BCAS3: variants seen among roughly 807,000 people sequenced by gnomAD.
The protein encoded by BCAS3 is BCAS3 microtubule associated cell migration factor.
BCAS3 carries 53 observed loss-of-function variants against 116.1 expected under a neutral mutation model. The ratio of observed to expected loss-of-function variants is 0.46; its 90% CI spans 0.37 to 0.57. The LOEUF (loss-of-function observed/expected upper bound fraction) is 0.57. Ranked by LOEUF, BCAS3 falls within the 20% of genes least tolerant of loss-of-function variation. The probability of loss-of-function intolerance (pLI) is 0.00; values close to 1 mark genes in which losing one functional copy is unlikely to be tolerated. For missense variants in BCAS3, 917 were observed against 1,165.4 expected, an observed-to-expected ratio of 0.79 and a Z score of 3.10; for synonymous variants, 391 against 408.2, an observed-to-expected ratio of 0.96 and a Z score of 0.51.
In BCAS3 at chr17:61,338,807, T is replaced by C. The variant is rs149217925; in HGVS notation, c.2426-29520T>C. Among the ~76,000 whole-genome samples, 974 of 145,280 alleles carry C rather than the reference T, an allele frequency of 6.7e-3. 5 individuals carry two copies. Among genetic ancestry groups the C allele is most frequent in the Middle Eastern group, 0.019 (5 of 266 alleles). ...AAGAATACATTTTCCCCTGTGACACTGAAAAGTTATTTTTTTTCAGTGTCC... is the reference window on the plus strand; with the variant it reads ...AAGAATACATTTTCCCCTGTGACACCGAAAAGTTATTTTTTTTCAGTGTCC... On this transcript the variant is annotated intron_variant, in intron 22 of 23. Coordinates refer to ENST00000407086, the MANE Select transcript of BCAS3 (RefSeq NM_017679.5).
intron 6 of BCAS3, among the ~76,000 whole-genome samples, chr17:60,765,861 C>T (rs1265157713): frequency 8.5e-5 from 13 of 152,182 alleles, no homozygotes; most frequent in Admixed American, 8.5e-4. Flanking sequence ...TCACATAGTC[C>T]TATATTTCTT....
At chr17:61,277,098 T>TA in intron 22 of BCAS3, among the ~76,000 whole-genome samples, 1 of 151,538 alleles carries the variant, frequency 6.6e-6, no homozygotes, top group East Asian at 1.9e-4. Context: ...CCTTGTCTCT[T>TA]ATAGGAAAAA....
intron 19 of BCAS3, chr17:61,069,867 C>G: frequency 1.2e-6 from 1 of 869,390 alleles, no homozygotes; most frequent in Non-Finnish European, 1.9e-6. Flanking sequence ...ACCCTTTTCA[C>G]AAGATGGCGC....
At chr17:61,071,389 C>T (rs993254304) in intron 19 of BCAS3, among the ~76,000 whole-genome samples, 2 of 152,152 alleles carry the variant, frequency 1.3e-5, no homozygotes, top group Non-Finnish European at 2.9e-5. Flanking sequence ...TACTACTGAT[C>T]TATTTTAGAG....
intron 22 of BCAS3, among the ~76,000 whole-genome samples, chr17:61,207,343 T>C (rs1462506876): frequency 6.6e-6 from 1 of 152,228 alleles, no homozygotes. Flanking sequence ...GATGAAGATA[T>C]ATATTAATTC....
chr17:60,789,165 A>C (rs548400523), intron 6 of BCAS3, among the ~76,000 whole-genome samples: 57 of 152,324 alleles, frequency 3.7e-4, no homozygotes, highest in African/African-American at 1.3e-3. Context: ...CACATTGAAG[A>C]CATAATCCTT....
intron 4 of BCAS3, among the ~76,000 whole-genome samples, chr17:60,699,031 C>T (rs560022446): frequency 1.3e-5 from 2 of 152,252 alleles, no homozygotes; most frequent in East Asian, 3.9e-4. Context: ...ACACTCTAAC[C>T]TTAGTGACAG....
chr17:61,269,212 T>G (rs1319817925), intron 22 of BCAS3, among the ~76,000 whole-genome samples: 1 of 151,708 alleles, frequency 6.6e-6, no homozygotes, highest in African/African-American at 2.4e-5. Flanking sequence ...CCTCCTGGGT[T>G]CAAGCAATTC....
At chr17:60,932,633 T>C (rs535559912) in intron 13 of BCAS3, among the ~76,000 whole-genome samples, 309 of 150,528 alleles carry the variant, frequency 2.1e-3, no homozygotes, top group African/African-American at 6.9e-3. Flanking sequence ...TCTCAGCTGC[T>C]TGGGAGACTG....
intron 15 of BCAS3, 30 bp from the exon 16 acceptor site, chr17:61,015,721 T>C (rs1186976452): frequency 3.1e-6 from 5 of 1,611,398 alleles, no homozygotes; most frequent in African/African-American, 1.3e-5. Context: ...CCTTCCTCAG[T>C]GATGCTTTTC....
chr17:60,836,309 T>C (rs1198136046), intron 7 of BCAS3, among the ~76,000 whole-genome samples: 1 of 152,196 alleles, frequency 6.6e-6, no homozygotes, highest in Non-Finnish European at 1.5e-5. Context: ...TAGTTAACAT[T>C]AATTCTCTTA....
rs1353338347 is a variant in BCAS3, at chr17:61,004,939, A to G, written c.1487-10812A>G. Among the ~76,000 whole-genome samples the G allele has an allele frequency of 1.3e-5, 2 of 152,168 alleles. No homozygotes were observed. Among genetic ancestry groups the G allele is most frequent in the Non-Finnish European group, 2.9e-5 (2 of 68,014 alleles). On this transcript the variant is annotated intron_variant, in intron 15 of 23. Coordinates refer to ENST00000407086, the MANE Select transcript of BCAS3 (RefSeq NM_017679.5). The surrounding 1 kb of genome is among the most constrained non-coding windows in gnomAD (Gnocchi z 4.8). ...GTTCAATAATATTTCACTCTGGTCT[A>G]GTTTTGGAGCAGATTGAAATGTGTC...
In BCAS3 at chr17:61,233,411, T is replaced by C. The variant is rs966188462; in HGVS notation, c.2426-134916T>C. Reference sequence around the variant, plus strand: ...AAGATGCCAATCAACTAAGCTTGTATTGGTTCATCGTCCAGATCTAAAAAT... The same window carrying C: ...AAGATGCCAATCAACTAAGCTTGTACTGGTTCATCGTCCAGATCTAAAAAT... On this transcript the variant is annotated intron_variant, in intron 22 of 23. Transcript: ENST00000407086. This position sits in a 1 kb window ranked among gnomAD's most constrained non-coding sequence, Gnocchi z 4.3. Among the ~76,000 whole-genome samples the C allele has an allele frequency of 6.6e-6, 1 of 152,250 alleles. No homozygotes were observed. The highest frequency in any genetic ancestry group is 2.4e-5 in the African/African-American group (1 of 41,462).
At chr17:60,957,997 A>T (rs901714078) in intron 14 of BCAS3, among the ~76,000 whole-genome samples, 1 of 152,242 alleles carries the variant, frequency 6.6e-6, no homozygotes, top group Non-Finnish European at 1.5e-5. Context: ...TACATTAGTC[A>T]TTGAAAGATG....
chr17:60,771,376 C>T (rs886323439), intron 6 of BCAS3, among the ~76,000 whole-genome samples: 1 of 152,080 alleles, frequency 6.6e-6, no homozygotes, highest in Admixed American at 6.5e-5. Flanking sequence ...CGTTCTCCTA[C>T]ATTACTACAT....
At chr17:61,053,341 G>C (rs929514982) in intron 19 of BCAS3, among the ~76,000 whole-genome samples, 1 of 152,148 alleles carries the variant, frequency 6.6e-6, no homozygotes, top group East Asian at 1.9e-4. Context: ...TTAGAATGAA[G>C]TCATTTTAAA....
At position 61,167,456 on chromosome 17, in the gene BCAS3, T is replaced by A. The variant is rs116871474; in HGVS notation, c.2425+82892T>A. ...CAGTCTCTCACCTGAACTAACTCTC[T>A]CCTTGAACTGTAGATACTTAGATTT... On this transcript the variant is annotated intron_variant, in intron 22 of 23. Coordinates refer to ENST00000407086, the MANE Select transcript of BCAS3 (RefSeq NM_017679.5). Among the ~76,000 whole-genome samples, 505 of 152,316 alleles carry A rather than the reference T, an allele frequency of 3.3e-3. 1 individual carries two copies. The highest frequency in any genetic ancestry group is 5.4e-3 in the Non-Finnish European group (369 of 68,034).
chr17:61,044,565 A>G (rs969780556), intron 19 of BCAS3, among the ~76,000 whole-genome samples: 12 of 151,336 alleles, frequency 7.9e-5, no homozygotes, highest in African/African-American at 2.9e-4. Context: ...CACAGTTTCC[A>G]TGAACTTATC....
chr17:61,125,174 A>G (rs2075988589), intron 22 of BCAS3, among the ~76,000 whole-genome samples: 3 of 152,236 alleles, frequency 2.0e-5, no homozygotes, highest in Admixed American at 2.0e-4. Flanking sequence ...TTATGTTGCC[A>G]TTATAGCTAA....
Sources: allele counts gnomAD v4.1 joint callset (sites outside exome capture counted in the v4.1 genomes callset), GRCh38; gene constraint gnomAD v4.1.1; non-coding constraint Gnocchi (gnomAD v3.1); transcripts MANE v1.5; gene names NCBI Gene and HGNC (gene_info 2026-07-23, HGNC 2026-07-21).